The following RAD54L2 variants were observed in gnomAD, a reference collection of about 807,000 sequenced individuals.
The protein encoded by RAD54L2 is helicase ARIP4.
Under a neutral mutation model 138.4 loss-of-function variants are expected in RAD54L2, and 27 were observed. The ratio of observed to expected loss-of-function variants is 0.20; its 90% CI spans 0.14 to 0.27. The LOEUF (loss-of-function observed/expected upper bound fraction) is 0.27, where lower values mean the gene tolerates loss of function less well. RAD54L2 is among the 10% of genes least tolerant of loss of function. The pLI, the probability that RAD54L2 is intolerant of heterozygous loss-of-function variation, is 1.00. For synonymous variants in RAD54L2, 644 were observed against 723.2 expected, an observed-to-expected ratio of 0.89 and a Z score of 1.76; for missense variants, 1,396 against 1,890.2, an observed-to-expected ratio of 0.74 and a Z score of 4.85.
chr3:51,668,154 G>A lies in RAD54L2; in HGVS notation c.*4734G>A, dbSNP rs1701951472. On this transcript the variant is annotated 3_prime_UTR_variant, in exon 23 of 23. Coordinates refer to ENST00000684192, the MANE Select transcript of RAD54L2 (RefSeq NM_015106.4). ...GGTGTAAAATGACTGTTATCTGGTT[G>A]TGTTACTCAGGGTGGGCTGGGGACT... 1.3e-5 allele frequency: 2 copies of A among 152,370 alleles called. No individual in the cohort carries two copies. The highest frequency in any genetic ancestry group is 1.3e-4 in the Admixed American group (2 of 15,274). The allele number at this position is 152,370 out of a possible 1,614,324, so 9.4% of individuals were successfully genotyped here. A position where few individuals can be genotyped will look rare whatever the true frequency, so the allele number is the denominator to read the frequency against.
chr3:51,658,073 C>T (rs996119928), intron 21 of RAD54L2, among the ~76,000 whole-genome samples: 6 of 151,176 alleles, frequency 4.0e-5, no homozygotes, highest in Admixed American at 1.3e-4. Context: ...TACAGGCATG[C>T]GCCACCACGC....
Position 51,638,475 on chromosome 3 carries a change from G to A in RAD54L2, c.1860+154G>A, listed in dbSNP as rs922557442. 7 of 847,770 alleles carry A rather than the reference G, an allele frequency of 8.3e-6. No homozygotes were observed. In the African/African-American group the frequency reaches 1.0e-4, roughly 12 times the overall value. The allele number at this position is 847,770 out of a possible 1,614,324, so 52.5% of individuals were successfully genotyped here. On this transcript the variant is annotated intron_variant, in intron 12 of 22. Coordinates refer to ENST00000684192, the MANE Select transcript of RAD54L2 (RefSeq NM_015106.4). The surrounding 1 kb of genome is among the most constrained non-coding windows in gnomAD (Gnocchi z 4.3). ...ACTGGAGGTTTGGGGGCTCCAAGGAGAGAGGTGATGGTTTTGTACCACATA... is the reference window on the plus strand; with the variant it reads ...ACTGGAGGTTTGGGGGCTCCAAGGAAAGAGGTGATGGTTTTGTACCACATA...
chr3:51,637,294 TGG>T lies in RAD54L2; in HGVS notation c.1475_1476del (p.Gly492ValfsTer9), dbSNP rs763548254. On this transcript the variant is annotated frameshift_variant, in exon 11 of 23. Coordinates refer to ENST00000684192, the MANE Select transcript of RAD54L2 (RefSeq NM_015106.4). LOFTEE classifies it high-confidence loss of function. The surrounding 1 kb of genome is among the most constrained non-coding windows in gnomAD (Gnocchi z 5.9). ...GCTCTCGCCGCCGGGTGGTGCTGACTGGGTACCCTCTGCAAAACAACCTCATT... is the reference window on the plus strand; with the variant it reads ...GCTCTCGCCGCCGGGTGGTGCTGACTGTACCCTCTGCAAAACAACCTCATT... Reference protein sequence around the residue: ...IRSRRRVVLTGYPLQNNLIEY... With the variant: ...IRSRRRVVLTXYPLQNNLIEY... The T allele has an allele frequency of 6.2e-7, 1 of 1,612,646 alleles. No homozygotes were observed. The highest frequency in any genetic ancestry group is 8.5e-7 in the Non-Finnish European group (1 of 1,179,410).
At chr3:51,540,435 C>G (rs1553671099) in intron 1 of RAD54L2, among the ~76,000 whole-genome samples, 1 of 152,202 alleles carries the variant, frequency 6.6e-6, no homozygotes, top group African/African-American at 2.4e-5. Flanking sequence ...CTGTGACAAT[C>G]TATATCATTG....
At chr3:51,555,437 AC>A in intron 2 of RAD54L2, among the ~76,000 whole-genome samples, 1 of 151,106 alleles carries the variant, frequency 6.6e-6, no homozygotes, top group East Asian at 2.0e-4. Flanking sequence ...ATATGGTGAA[AC>A]CCTGTCTCTA....
At chr3:51,557,489 G>C (rs1444252082) in intron 2 of RAD54L2, among the ~76,000 whole-genome samples, 1 of 151,394 alleles carries the variant, frequency 6.6e-6, no homozygotes, top group Non-Finnish European at 1.5e-5. Context: ...GGCTGTTGTT[G>C]GCATATTTTA....
intron 2 of RAD54L2, among the ~76,000 whole-genome samples, chr3:51,554,796 T>G (rs1467436784): frequency 6.6e-6 from 1 of 152,148 alleles, no homozygotes; most frequent in Non-Finnish European, 1.5e-5. Context: ...ATAAGAACCT[T>G]GGTCTCCACC....
rs58505964 is a variant in RAD54L2 at position 51,552,561 on chromosome 3, C to CTT, written c.-55+10936_-55+10937dup. ...ACAGGTGTGAGCCACTGCGCCTGGC[C>CTT]TTTTTTTTTTTTTTTTTTTTTTTTT... On this transcript the variant is annotated intron_variant, in intron 2 of 22. Coordinates refer to ENST00000684192, the MANE Select transcript of RAD54L2 (RefSeq NM_015106.4). 2.0e-3 allele frequency among the ~76,000 whole-genome samples: 209 copies of CTT among 106,724 alleles called. 5 individuals are homozygous for CTT. Among genetic ancestry groups the CTT allele is most frequent in the African/African-American group, 6.9e-3 (180 of 25,902 alleles). The allele number at this position is 106,724 out of a possible 152,430, so 70.0% of individuals were successfully genotyped here.
chr3:51,583,577 G>A (rs1292481442), intron 2 of RAD54L2, among the ~76,000 whole-genome samples: 4 of 148,896 alleles, frequency 2.7e-5, no homozygotes, highest in East Asian at 2.0e-4. Flanking sequence ...GTGCCACCAC[G>A]CCCAGCTAAT....
chr3:51,584,181 G>A (rs758492048), intron 2 of RAD54L2, among the ~76,000 whole-genome samples: 7 of 152,174 alleles, frequency 4.6e-5, no homozygotes, highest in African/African-American at 7.2e-5. Context: ...TGTCTTTAGT[G>A]CTATGCTAGG....
intron 2 of RAD54L2, among the ~76,000 whole-genome samples, chr3:51,559,897 G>A (rs530359969): frequency 3.9e-5 from 6 of 152,310 alleles, no homozygotes; most frequent in Admixed American, 2.6e-4. Flanking sequence ...GATATGATAA[G>A]GCTATGTAGT....
At chr3:51,660,214 T>C in intron 22 of RAD54L2, 96 bp downstream of exon 22, 1 of 899,004 alleles carries the variant, frequency 1.1e-6, no homozygotes, top group Non-Finnish European at 1.7e-6. Context: ...AGATAATATG[T>C]ACATGGTTCA....
At chr3:51,613,491 G>A (rs533979778) in intron 3 of RAD54L2, among the ~76,000 whole-genome samples, 27 of 152,110 alleles carry the variant, frequency 1.8e-4, no homozygotes, top group Non-Finnish European at 2.9e-4. Flanking sequence ...CATGTAGGCC[G>A]GTCGTGGCGG....
intron 20 of RAD54L2, among the ~76,000 whole-genome samples, chr3:51,657,275 C>T (rs1701627037): frequency 6.6e-6 from 1 of 152,144 alleles, no homozygotes; most frequent in Non-Finnish European, 1.5e-5. Flanking sequence ...TGCATAGAAA[C>T]AACCATCTAA....
At chr3:51,646,247 A>AT in intron 18 of RAD54L2, 38 bp from the exon 19 acceptor site, 3 of 1,534,734 alleles carry the variant, frequency 2.0e-6, no homozygotes, top group Non-Finnish European at 2.6e-6. Context: ...TCTATCAGCC[A>AT]TGTTGGTAAC....
intron 2 of RAD54L2, among the ~76,000 whole-genome samples, chr3:51,562,052 C>T (rs1264959755): frequency 1.3e-5 from 2 of 149,068 alleles, no homozygotes; most frequent in East Asian, 4.0e-4. Context: ...TTTTTTCCCC[C>T]TGAGACCGAG....
intron 3 of RAD54L2, among the ~76,000 whole-genome samples, chr3:51,626,824 G>A (rs1700702974): frequency 6.6e-6 from 1 of 151,966 alleles, no homozygotes; most frequent in African/African-American, 2.4e-5. Flanking sequence ...CTCCCATATA[G>A]TTCCTTCATG....
rs868004940 is a variant in RAD54L2 at position 51,663,616 on chromosome 3, A to T, written c.*196A>T. 986 of 561,000 alleles carry T rather than the reference A, an allele frequency of 1.8e-3. 14 individuals carry two copies. The African/African-American group carries it at 0.018, about 10-fold the overall frequency. 34.8% of individuals were successfully genotyped at this position (561,000 alleles called of 1,614,324 possible). A position where few individuals can be genotyped will look rare whatever the true frequency, so the allele number is the denominator to read the frequency against. On this transcript the variant is annotated 3_prime_UTR_variant, in exon 23 of 23. Coordinates refer to ENST00000684192, the MANE Select transcript of RAD54L2 (RefSeq NM_015106.4). ...AGGCAAAAAAAAAAAAAAAAAAAAA[A>T]AAGTCCAACACAGCAGCAATAGCGG...
rs556992699 is a variant in RAD54L2, at chr3:51,662,420, C to T, written c.3410-6C>T. ...TGATTCTCAGTTAACTACATTTTGT[C>T]CCCAGGTTCCCAGGGACCTTCTTGC... On this transcript the variant is annotated splice_region_variant and splice_polypyrimidine_tract_variant and intron_variant, in intron 22 of 22. Coordinates refer to ENST00000684192, the MANE Select transcript of RAD54L2 (RefSeq NM_015106.4). The surrounding 1 kb of genome is among the most constrained non-coding windows in gnomAD (Gnocchi z 4.6). 3 of 1,509,938 alleles carry T rather than the reference C, an allele frequency of 2.0e-6. No individual in the cohort carries two copies. The highest frequency in any genetic ancestry group is 2.3e-5 in the Admixed American group (1 of 44,280). 93.5% of individuals were successfully genotyped at this position (1,509,938 alleles called of 1,614,324 possible). A position where few individuals can be genotyped will look rare whatever the true frequency, so the allele number is the denominator to read the frequency against.
Sources: gnomAD v4.1 joint callset for allele counts (sites outside exome capture counted in the v4.1 genomes callset) on GRCh38, gnomAD v4.1.1 for gene constraint, Gnocchi (gnomAD v3.1) non-coding constraint, MANE v1.5 for transcripts, NCBI Gene and HGNC (gene_info 2026-07-23, HGNC 2026-07-21) for gene names.